The following UMPS variants were observed in gnomAD, a reference collection of about 807,000 sequenced individuals.
The protein encoded by UMPS is uridine 5'-monophosphate synthase.
UMPS carries 21 observed loss-of-function variants against 38.9 expected under a neutral mutation model. The observed-to-expected ratio is 0.54, with a 90% confidence interval of 0.38 to 0.78. The LOEUF (loss-of-function observed/expected upper bound fraction) is 0.78. Ranked by LOEUF, UMPS falls within the 30% of genes least tolerant of loss-of-function variation. The pLI, the probability that UMPS is intolerant of heterozygous loss-of-function variation, is 0.00. For missense variants in UMPS, 533 were observed against 591.6 expected, an observed-to-expected ratio of 0.90 and a Z score of 1.03; for synonymous variants, 208 against 219.3, an observed-to-expected ratio of 0.95 and a Z score of 0.45.
At position 124,747,018 on chromosome 3, in the gene UMPS, T is replaced by C; in HGVS notation, c.*2934T>C. On this transcript the variant is annotated 3_prime_UTR_variant, in exon 6 of 6. Coordinates refer to ENST00000232607, the MANE Select transcript of UMPS (RefSeq NM_000373.4). The stretch of plus-strand genomic sequence containing the variant: ...AGGGCTGGTTTTTTGTTTTGTTTTG[T>C]TTGTTTGATACAGGGTCTTCACTCT... 1 of 453,824 alleles carries C rather than the reference T, an allele frequency of 2.2e-6. No individual in the cohort carries two copies. The allele number at this position is 453,824 out of a possible 1,614,324, so 28.1% of individuals were successfully genotyped here.
rs1484749259 is a variant in UMPS at position 124,746,411 on chromosome 3, A to C, written c.*2327A>C. 2 of 453,986 alleles carry C rather than the reference A, an allele frequency of 4.4e-6. No individual in the cohort carries two copies. Among genetic ancestry groups the C allele is most frequent in the Non-Finnish European group, 8.8e-6 (2 of 226,792 alleles). The allele number at this position is 453,986 out of a possible 1,614,324, so 28.1% of individuals were successfully genotyped here. ...TCTGATTTGTATTTCTATTGTGAAG[A>C]GTCAGCCCAGTACTGCAGGCCTCTT... is the stretch of plus-strand genomic sequence containing the variant. On this transcript the variant is annotated 3_prime_UTR_variant, in exon 6 of 6. Transcript: ENST00000232607.
At position 124,747,924 on chromosome 3, in the gene UMPS, G is replaced by T; in HGVS notation, c.*3840G>T. 2.2e-6 allele frequency: 1 copy of T among 453,880 alleles called. No homozygotes were observed. The highest frequency in any genetic ancestry group is 4.4e-6 in the Non-Finnish European group (1 of 226,654). The allele number at this position is 453,880 out of a possible 1,614,324, so 28.1% of individuals were successfully genotyped here. ...TAACCCTGTGGACTCTCTGCAGCTT[G>T]GTTCCTTTGCCCCTTAACAGGTGGG... is the stretch of plus-strand genomic sequence containing the variant. On this transcript the variant is annotated 3_prime_UTR_variant, in exon 6 of 6. Transcript: ENST00000232607.
chr3:124,735,963 T>C (rs2063515602), intron 2 of UMPS, among the ~76,000 whole-genome samples: 1 of 147,982 alleles, frequency 6.8e-6, no homozygotes, highest in Middle Eastern at 3.7e-3. Flanking sequence ...GGCGACAAAG[T>C]GAGACCCTAT....
rs539278839 is a variant in UMPS, at chr3:124,748,736, A to G, written c.*4652A>G. 7 of 435,752 alleles carry G rather than the reference A, an allele frequency of 1.6e-5. No homozygotes were observed. In the East Asian group the frequency reaches 4.9e-4, roughly 30 times the overall value. The allele number at this position is 435,752 out of a possible 1,614,324, so 27.0% of individuals were successfully genotyped here. A position where few individuals can be genotyped will look rare whatever the true frequency, so the allele number is the denominator to read the frequency against. ...GGGGTTGGGGGGAGCCCAGGAGAGC[A>G]GGAAGATCCAGAGATCCCTCGCCCC... is the stretch of plus-strand genomic sequence containing the variant. On this transcript the variant is annotated 3_prime_UTR_variant, in exon 6 of 6. Transcript: ENST00000232607.
Position 124,746,278 on chromosome 3 carries a change from T to G in UMPS, c.*2194T>G, listed in dbSNP as rs1333427993. 2.2e-6 allele frequency: 1 copy of G among 453,928 alleles called. No individual in the cohort carries two copies. The highest frequency in any genetic ancestry group is 4.4e-6 in the Non-Finnish European group (1 of 226,778). The allele number at this position is 453,928 out of a possible 1,614,324, so 28.1% of individuals were successfully genotyped here. Reference sequence around the variant, plus strand: ...CCCAGCCCCTGCCACTTACTGAAAGTGTAGGTCCTTGTGCCCCACACCATC... The same window carrying G: ...CCCAGCCCCTGCCACTTACTGAAAGGGTAGGTCCTTGTGCCCCACACCATC... On this transcript the variant is annotated 3_prime_UTR_variant, in exon 6 of 6. Coordinates refer to ENST00000232607, the MANE Select transcript of UMPS (RefSeq NM_000373.4).
In UMPS at chr3:124,738,148, G is replaced by C. The variant is rs751261736; in HGVS notation, c.891G>C (p.Glu297Asp). The C allele has an allele frequency of 3.1e-6, 5 of 1,614,232 alleles. No individual in the cohort carries two copies. Among genetic ancestry groups the C allele is most frequent in the Non-Finnish European group, 4.2e-6 (5 of 1,180,050 alleles). ...ATTTTACTCTGGATGTGATGAAGGA[G>C]TTGATAACTCTGGCAAAATGCCATG... Reference protein sequence around the residue: ...LNDFTLDVMKELITLAKCHEF... With the variant: ...LNDFTLDVMKDLITLAKCHEF... The change falls in exon 3 of 6, where the codon GAG becomes GAC. Residue 297 changes from glutamate (E) to aspartate (D), a missense_variant. Physicochemically the swap from Glu to Asp is conservative, Grantham distance 45. Transcript: ENST00000232607.
chr3:124,737,426 T>C (rs1380727367), intron 2 of UMPS, 142 bp from the exon 3 acceptor site: 2 of 747,274 alleles, frequency 2.7e-6, no homozygotes, highest in South Asian at 3.4e-5. Flanking sequence ...TATGTGCAAC[T>C]AGCAAGTTTG....
rs2063586947 is a variant in UMPS, at chr3:124,745,188, A to AT, written c.*1106dup. ...CATTAATAATAAAGAGAAAGCCCAC[A>AT]TTCAAGGTGGTGTTTGAGCAGGGGC... On this transcript the variant is annotated 3_prime_UTR_variant, in exon 6 of 6. Coordinates refer to ENST00000232607, the MANE Select transcript of UMPS (RefSeq NM_000373.4). 1 of 453,948 alleles carries AT rather than the reference A, an allele frequency of 2.2e-6. No individual in the cohort carries two copies. The highest frequency in any genetic ancestry group is 1.6e-5 in the South Asian group (1 of 64,472). The allele number at this position is 453,948 out of a possible 1,614,324, so 28.1% of individuals were successfully genotyped here.
Position 124,738,276 on chromosome 3 carries a change from A to G in UMPS, c.982+37A>G, listed in dbSNP as rs753324430. 6 of 1,603,880 alleles carry G rather than the reference A, an allele frequency of 3.7e-6. No individual in the cohort carries two copies. In the Admixed American group the frequency reaches 8.4e-5, roughly 22 times the overall value. On this transcript the variant is annotated intron_variant, in intron 3 of 5. Transcript: ENST00000232607. The stretch of plus-strand genomic sequence containing the variant: ...ATTCAGGAATCTGCAAGAATCAGAA[A>G]TCCAGCTTAAACTGAAGAAGAAAAA...
chr3:124,731,555 A>G, intron 1 of UMPS: 2 of 427,638 alleles, frequency 4.7e-6, no homozygotes, highest in Non-Finnish European at 9.4e-6. Flanking sequence ...CTGTGATCAT[A>G]GCTCACTGCA....
chr3:124,739,758 G>A (rs1205074997), intron 3 of UMPS, among the ~76,000 whole-genome samples: 1 of 152,192 alleles, frequency 6.6e-6, no homozygotes, highest in Non-Finnish European at 1.5e-5. Flanking sequence ...AAAGAGTCCT[G>A]TTAGTGTTCC....
chr3:124,734,246 G>T (rs2063501526), intron 1 of UMPS, among the ~76,000 whole-genome samples: 1 of 151,550 alleles, frequency 6.6e-6, no homozygotes, highest in African/African-American at 2.4e-5. Context: ...GCAACTCAGT[G>T]ACTGTTTGCT....
intron 2 of UMPS, chr3:124,737,355 A>G (rs559869981): frequency 2.0e-5 from 11 of 562,624 alleles, no homozygotes; most frequent in African/African-American, 1.7e-4. Context: ...TACTATAAAT[A>G]TACTGTATGT....
rs148029686 is a variant in UMPS, at chr3:124,748,967, C to T, written c.*4883C>T. 36 of 454,006 alleles carry T rather than the reference C, an allele frequency of 7.9e-5. No homozygotes were observed. The highest frequency in any genetic ancestry group is 6.6e-4 in the African/African-American group (33 of 50,118). 28.1% of individuals were successfully genotyped at this position (454,006 alleles called of 1,614,324 possible). On this transcript the variant is annotated 3_prime_UTR_variant, in exon 6 of 6. Transcript: ENST00000232607. ...GTGGACGGGCCGCACAACCAAGGTTCTCATGAGGACAACCATGTCTTCGGG... is the reference window on the plus strand; with the variant it reads ...GTGGACGGGCCGCACAACCAAGGTTTTCATGAGGACAACCATGTCTTCGGG...
intron 3 of UMPS, among the ~76,000 whole-genome samples, chr3:124,739,641 G>A (rs2063542358): frequency 6.6e-6 from 1 of 152,144 alleles, no homozygotes; most frequent in African/African-American, 2.4e-5. Flanking sequence ...GCTTCAAGAG[G>A]AATTTTTAAA....
chr3:124,749,134 G>C lies in UMPS; in HGVS notation c.*5050G>C, dbSNP rs1258387061. 3 of 454,064 alleles carry C rather than the reference G, an allele frequency of 6.6e-6. No individual in the cohort carries two copies. In the Admixed American group the frequency reaches 7.0e-5, roughly 11 times the overall value. The allele number at this position is 454,064 out of a possible 1,614,324, so 28.1% of individuals were successfully genotyped here. A position where few individuals can be genotyped will look rare whatever the true frequency, so the allele number is the denominator to read the frequency against. The stretch of plus-strand genomic sequence containing the variant: ...GTATTTAACAAGACATGCTGTCCTT[G>C]TTTACCTGGAACCTAGCAATGTTGT... On this transcript the variant is annotated 3_prime_UTR_variant, in exon 6 of 6. Transcript: ENST00000232607.
intron 1 of UMPS, among the ~76,000 whole-genome samples, chr3:124,731,778 T>C (rs2063479601): frequency 6.6e-6 from 1 of 150,670 alleles, no homozygotes; most frequent in South Asian, 2.1e-4. Context: ...ACACCTGTAA[T>C]CCCAGCTACT....
intron 1 of UMPS, among the ~76,000 whole-genome samples, chr3:124,732,057 C>T (rs2050225662): frequency 6.6e-6 from 1 of 152,148 alleles, no homozygotes; most frequent in African/African-American, 2.4e-5. Flanking sequence ...GCCTTGGCGG[C>T]TTCCCAAGTA....
chr3:124,744,188 C>A lies in UMPS; in HGVS notation c.*104C>A. 2 of 1,374,092 alleles carry A rather than the reference C, an allele frequency of 1.5e-6. No individual in the cohort carries two copies. The highest frequency in any genetic ancestry group is 2.0e-6 in the Non-Finnish European group (2 of 982,626). The allele number at this position is 1,374,092 out of a possible 1,614,324, so 85.1% of individuals were successfully genotyped here. ...TAATCCAATTATTCCTGCTTGGATT[C>A]TTCCACAGGGCCTGTGTAAGAATGG... On this transcript the variant is annotated 3_prime_UTR_variant, in exon 6 of 6. Coordinates refer to ENST00000232607, the MANE Select transcript of UMPS (RefSeq NM_000373.4).
Sources: gnomAD v4.1 joint callset for allele counts (sites outside exome capture counted in the v4.1 genomes callset) on GRCh38, gnomAD v4.1.1 for gene constraint, MANE v1.5 for transcripts, NCBI Gene and HGNC (gene_info 2026-07-23, HGNC 2026-07-21) for gene names.